Variants in MYH11 observed in about 807,000 individuals in gnomAD.
The protein encoded by MYH11 is myosin-11.
Under a neutral mutation model 246.6 loss-of-function variants are expected in MYH11, and 80 were observed. The ratio of observed to expected loss-of-function variants is 0.32; its 90% CI spans 0.27 to 0.39. The LOEUF (loss-of-function observed/expected upper bound fraction) is 0.39, where lower values mean the gene tolerates loss of function less well. Ranked by LOEUF, MYH11 falls within the 10% of genes least tolerant of loss-of-function variation. MYH11 has a pLI of 1.00. For missense variants in MYH11, 2,158 were observed against 2,546.8 expected (o/e 0.85, Z 3.29); for synonymous variants, 1,071 against 1,015.5 (o/e 1.05, Z -1.04).
chr16:15,795,015 C>T (rs1488531219), intron 4 of MYH11, among the ~76,000 whole-genome samples: 1 of 152,150 alleles, frequency 6.6e-6, no homozygotes, highest in African/African-American at 2.4e-5. Flanking sequence ...ATCAGAACTG[C>T]AGGATGGGCT....
chr16:15,843,699 C>CAA (rs35135287), intron 1 of MYH11, among the ~76,000 whole-genome samples: 77 of 134,346 alleles, frequency 5.7e-4, no homozygotes, highest in East Asian at 2.2e-3. Flanking sequence ...GACTCCGTCT[C>CAA]AAAAAAAAAA....
chr16:15,748,449 C>T (rs2041479076), intron 16 of MYH11, among the ~76,000 whole-genome samples: 1 of 152,188 alleles, frequency 6.6e-6, no homozygotes, highest in African/African-American at 2.4e-5. Flanking sequence ...CCTCGTCTCC[C>T]TCACTTCCTG....
intron 1 of MYH11, among the ~76,000 whole-genome samples, chr16:15,844,123 G>A (rs375746491): frequency 6.6e-6 from 1 of 152,128 alleles, no homozygotes; most frequent in African/African-American, 2.4e-5. Context: ...ATGGAGATGG[G>A]GGATGAAGGT....
chr16:15,790,075 C>T (rs766063286), intron 4 of MYH11, among the ~76,000 whole-genome samples: 5 of 152,168 alleles, frequency 3.3e-5, no homozygotes, highest in Admixed American at 2.0e-4. Flanking sequence ...GAGGCTGAGG[C>T]GGGTGGATCA....
intron 1 of MYH11, among the ~76,000 whole-genome samples, chr16:15,843,788 G>A (rs966863663): frequency 2.0e-5 from 3 of 152,128 alleles, no homozygotes; most frequent in Non-Finnish European, 4.4e-5. Flanking sequence ...TTAGGCCAAT[G>A]GGGCTCACAT....
At chr16:15,824,455 GT>G (rs1307130054) in intron 2 of MYH11, among the ~76,000 whole-genome samples, 1 of 151,824 alleles carries the variant, frequency 6.6e-6, no homozygotes, top group African/African-American at 2.4e-5. Flanking sequence ...TTTTTATTTT[GT>G]TTTTTGTAGA....
intron 5 of MYH11, chr16:15,782,858 G>T (rs537294070): frequency 1.0e-5 from 2 of 199,876 alleles, no homozygotes; most frequent in Non-Finnish European, 2.1e-5. Context: ...CATGGCAGTC[G>T]TGCTGCTGTT....
chr16:15,757,971 G>A lies in MYH11; in HGVS notation c.1431C>T (p.Asn477=), dbSNP rs753577750. The part of the protein sequence containing the change: ...EVNSFEQLCI[N]YTNEKLQQLF... ...GCTGCTGCAGCTTCTCGTTGGTGTA[G>A]TTGATGCACAGCTGCTCGAAGGAGT... Residue 477 remains asparagine (N), a synonymous_variant, in exon 13 of 41, where the codon AAC becomes AAT. Coordinates refer to ENST00000300036, the MANE Select transcript of MYH11 (RefSeq NM_002474.3). The A allele has an allele frequency of 1.9e-6, 3 of 1,614,170 alleles. No homozygotes were observed. In the East Asian group the frequency reaches 6.7e-5, roughly 36 times the overall value.
rs2041269387 is a variant in MYH11, at chr16:15,741,470, T to A, written c.2852A>T (p.Gln951Leu). Residue 951 changes from glutamine to leucine, a missense_variant, in exon 22 of 41, where the codon CAG (glutamine) becomes CTG (leucine). Around this residue, in one of 11 missense-constraint regions of MYH11, gnomAD observed 284 missense variants for 315.4 expected, o/e 0.90. Transcript: ENST00000300036. Reference protein sequence around the residue: ...LQAERKKMAQQMLDLEEQLEE... With the variant: ...LQAERKKMAQLMLDLEEQLEE... ...GCCCCTGTGACACCTTACCAGCATC[T>A]GCTGGGCCATCTTCTTCCTTTCAGC... 6.2e-7 allele frequency: 1 copy of A among 1,607,942 alleles called. No homozygotes were observed. Among genetic ancestry groups the A allele is most frequent in the Non-Finnish European group, 8.5e-7 (1 of 1,179,980 alleles).
intron 3 of MYH11, among the ~76,000 whole-genome samples, chr16:15,812,377 T>C (rs1426734378): frequency 2.6e-5 from 4 of 151,866 alleles, no homozygotes; most frequent in African/African-American, 9.7e-5. Context: ...AAGAATGCCA[T>C]AGTTGCCATT....
chr16:15,766,344 G>GGTGTGTGTGT (rs3073439), intron 9 of MYH11, among the ~76,000 whole-genome samples: 27 of 136,784 alleles, frequency 2.0e-4, no homozygotes, highest in South Asian at 1.2e-3. Flanking sequence ...CATGTTTTTT[G>GGTGTGTGTGT]GTGTGTGTGT....
intron 36 of MYH11, 109 bp downstream of exon 36, chr16:15,719,111 G>C (rs1415804490): frequency 2.7e-6 from 3 of 1,096,272 alleles, no homozygotes; most frequent in Non-Finnish European, 4.0e-6. Context: ...CTGGGTGACA[G>C]AATGAAACTC....
chr16:15,837,795 A>C (rs879317266), intron 2 of MYH11, 113 bp downstream of exon 2: 28 of 985,148 alleles, frequency 2.8e-5, no homozygotes, highest in Non-Finnish European at 4.5e-5. Flanking sequence ...TCGGCCTCCC[A>C]AAGTGCTGGG....
intron 10 of MYH11, 55 bp downstream of exon 10, chr16:15,763,741 T>TCGGGGGGCCCCCCCCCC: frequency 1.5e-6 from 1 of 646,860 alleles, no homozygotes; most frequent in Non-Finnish European, 2.9e-6. Context: ...AAATGTCACC[T>TCGGGGGGCCCCCCCCCC]CCCCCACCCC....
intron 2 of MYH11, among the ~76,000 whole-genome samples, chr16:15,835,349 T>TA (rs555182759): frequency 3.9e-5 from 6 of 152,296 alleles, no homozygotes; most frequent in Admixed American, 3.3e-4. Context: ...TGTAAACAGA[T>TA]ACCATGCTCA....
chr16:15,748,998 G>A (rs2041494835), intron 16 of MYH11, among the ~76,000 whole-genome samples: 1 of 151,904 alleles, frequency 6.6e-6, no homozygotes, highest in Non-Finnish European at 1.5e-5. Context: ...TGCCTAGAGA[G>A]AGAAGGCCAA....
chr16:15,803,635 C>G (rs1237169367), intron 3 of MYH11, among the ~76,000 whole-genome samples: 1 of 152,132 alleles, frequency 6.6e-6, no homozygotes, highest in African/African-American at 2.4e-5. Context: ...TGGGACCGGC[C>G]CAGACAACCT....
chr16:15,763,741 T>TCGGGGCCCCCC, intron 10 of MYH11, 55 bp downstream of exon 10: 7 of 646,854 alleles, frequency 1.1e-5, no homozygotes, highest in East Asian at 6.3e-5. Context: ...AAATGTCACC[T>TCGGGGCCCCCC]CCCCCACCCC....
At chr16:15,782,796 A>G (rs1343712216) in intron 5 of MYH11, 1 of 374,738 alleles carries the variant, frequency 2.7e-6, no homozygotes, top group African/African-American at 2.1e-5. Context: ...CATTTACATC[A>G]TGATGAATGG....
Sources: allele counts gnomAD v4.1 joint callset (sites outside exome capture counted in the v4.1 genomes callset), GRCh38; gene constraint gnomAD v4.1.1; regional missense constraint gnomAD v4.1.1; transcripts MANE v1.5; gene names NCBI Gene and HGNC (gene_info 2026-07-23, HGNC 2026-07-21).